The following SACS variants were observed in gnomAD, a reference collection of about 807,000 sequenced individuals.
SACS encodes the protein sacsin.
SACS carries 197 observed loss-of-function variants against 348.0 expected under a neutral mutation model. The ratio of observed to expected loss-of-function variants is 0.57; its 90% confidence interval spans 0.50 to 0.64. SACS has a LOEUF of 0.64. Among genes scored for constraint, SACS ranks in the 30% least tolerant of loss-of-function variants. The pLI, the probability that SACS is intolerant of heterozygous loss-of-function variation, is 0.00. For missense variants in SACS, 4,999 were observed against 5,360.8 expected, an observed-to-expected ratio of 0.93 and a Z score of 2.11; for synonymous variants, 1,985 against 1,910.6, an observed-to-expected ratio of 1.04 and a Z score of -1.02.
Position 23,336,275 on chromosome 13 carries a change from C to T in SACS, c.7601G>A (p.Ser2534Asn), listed in dbSNP as rs750491874. 6.2e-6 allele frequency: 10 copies of T among 1,614,052 alleles called. No individual in the cohort carries two copies. Among genetic ancestry groups the T allele is most frequent in the African/African-American group, 1.3e-5 (1 of 75,032 alleles). The change falls in exon 10 of 10, where the codon AGC (serine) becomes AAC (asparagine). Residue 2534 changes from serine (S) to asparagine (N), a missense_variant. Coordinates refer to ENST00000382292, the MANE Select transcript of SACS (RefSeq NM_014363.6). ...TTCAGAAGGATATGCATTAAGGATG[C>T]TCTTAATTCTGCTGGTCAATTTTTC... ...QKEKLTSRIK[S>N]ILNAYPSEKE...
At chr13:23,392,225 T>A (rs1872554373) in intron 2 of SACS, among the ~76,000 whole-genome samples, 2 of 152,206 alleles carry the variant, frequency 1.3e-5, no homozygotes, top group African/African-American at 2.4e-5. Flanking sequence ...CCATCTTGCA[T>A]TTCCTATGTA....
Position 23,332,544 on chromosome 13 carries a change from C to G in SACS, c.11332G>C (p.Glu3778Gln), listed in dbSNP as rs1290885413. ...TRAKVLRSIYEFLSAEKREFR... is the reference protein window; with the variant it reads ...TRAKVLRSIYQFLSAEKREFR... ...TCCCTTTTTTCTGCACTGAGGAATT[C>G]ATATATGCTCCTTAAGACTTTTGCT... is the stretch of plus-strand genomic sequence containing the variant. Residue 3778 changes from glutamate to glutamine, a missense_variant, in exon 10 of 10, where the codon GAA (glutamate) becomes CAA (glutamine). Coordinates refer to ENST00000382292, the MANE Select transcript of SACS (RefSeq NM_014363.6). The G allele has an allele frequency of 6.2e-7, 1 of 1,613,954 alleles. No individual in the cohort carries two copies. The highest frequency in any genetic ancestry group is 1.7e-5 in the Admixed American group (1 of 60,008).
chr13:23,329,383 A>C lies in SACS; in HGVS notation c.*753T>G, dbSNP rs1883324708. The C allele has an allele frequency of 1.3e-6, 1 of 743,652 alleles. No homozygotes were observed. The highest frequency in any genetic ancestry group is 1.5e-5 in the South Asian group (1 of 66,842). The allele number at this position is 743,652 out of a possible 1,614,324, so 46.1% of individuals were successfully genotyped here. ...AAGCAAGTGTTCTAACAGTTAATAA[A>C]TGTTGTCTTGGCAAGCAGTTTCCAG... On this transcript the variant is annotated 3_prime_UTR_variant, in exon 10 of 10. Transcript: ENST00000382292.
intron 2 of SACS, among the ~76,000 whole-genome samples, chr13:23,376,444 A>G (rs1032505176): frequency 4.0e-4 from 61 of 152,182 alleles, no homozygotes; most frequent in African/African-American, 1.4e-3. Flanking sequence ...TGAACAAGTA[A>G]ACTTGTGTGC....
intron 2 of SACS, among the ~76,000 whole-genome samples, chr13:23,408,202 C>T (rs950032861): frequency 6.6e-6 from 1 of 152,018 alleles, no homozygotes; most frequent in African/African-American, 2.4e-5. Context: ...GATTCCTAGA[C>T]ATTTCCACTC....
In SACS at chr13:23,336,043, C is replaced by T. The variant is rs1237743096; in HGVS notation, c.7833G>A (p.Thr2611=). The change falls in exon 10 of 10, where the codon ACG becomes ACA. Residue 2611 remains threonine (T), a synonymous_variant. Transcript: ENST00000382292. ...CAGTTTTATAAGGATTTCCCTCTTT[C>T]GTGCCTTTTCCAAGATTCTGAATTC... ...VRGIQNLGKG[T]KEGNPYKTGQ... 2.1e-5 allele frequency: 34 copies of T among 1,612,124 alleles called. No homozygotes were observed. The highest frequency in any genetic ancestry group is 2.8e-5 in the Non-Finnish European group (33 of 1,178,484).
intron 2 of SACS, among the ~76,000 whole-genome samples, chr13:23,387,577 G>C (rs1292102963): frequency 6.6e-6 from 1 of 152,032 alleles, no homozygotes; most frequent in African/African-American, 2.4e-5. Context: ...AGATAAGCTG[G>C]TCCCCTGGTC....
chr13:23,375,093 G>A (rs1226133058), intron 3 of SACS, 26 bp downstream of exon 3: 1 of 1,483,038 alleles, frequency 6.7e-7, no homozygotes, highest in Non-Finnish European at 9.0e-7. Flanking sequence ...GCGGAGCCCA[G>A]CCCAGCGCCC....
At chr13:23,408,956 C>CGTCTCAAAAAAAATAAAAAAGACTCG in intron 2 of SACS, among the ~76,000 whole-genome samples, 1 of 145,804 alleles carries the variant, frequency 6.9e-6, no homozygotes, top group Non-Finnish European at 1.5e-5. Context: ...AGCAAGACTC[C>CGTCTCAAAAAAAATAAAAAAGACTCG]GTCTCAAAAA....
chr13:23,370,691 G>T (rs994597954), intron 4 of SACS, among the ~76,000 whole-genome samples: 1 of 152,130 alleles, frequency 6.6e-6, no homozygotes, highest in East Asian at 1.9e-4. Context: ...GGCTGGGAGC[G>T]GTGGCTCACG....
chr13:23,332,038 G>A lies in SACS; in HGVS notation c.11838C>T (p.Leu3946=), dbSNP rs764611013. 1.9e-6 allele frequency: 3 copies of A among 1,614,108 alleles called. No individual in the cohort carries two copies. The Admixed American group carries it at 5.0e-5, about 27-fold the overall frequency. The change falls in exon 10 of 10, where the codon CTC becomes CTT. Residue 3946 remains leucine, a synonymous_variant. Transcript: ENST00000382292. ...GGTCTTTCCCTAAGTAGCACTGGCT[G>A]AGATCAACTAACATTTGCACACCAA... ...GNIGVQMLVD[L]SQCYLGKDHG...
chr13:23,378,292 A>C (rs751718912), intron 2 of SACS, among the ~76,000 whole-genome samples: 1 of 152,180 alleles, frequency 6.6e-6, no homozygotes, highest in Non-Finnish European at 1.5e-5. Context: ...TCACGCTTAC[A>C]TAAGTCAGTG....
chr13:23,429,714 T>G (rs544590130), intron 1 of SACS, among the ~76,000 whole-genome samples: 125 of 152,194 alleles, frequency 8.2e-4, no homozygotes, highest in Non-Finnish European at 1.4e-3. Flanking sequence ...AGGAGGAAGC[T>G]GAGGCTGCAA....
chr13:23,384,269 C>T (rs1872182473), intron 2 of SACS, among the ~76,000 whole-genome samples: 1 of 152,242 alleles, frequency 6.6e-6, no homozygotes, highest in Non-Finnish European at 1.5e-5. Flanking sequence ...TTAACTTCCA[C>T]TCATCAGTGA....
Position 23,339,282 on chromosome 13 carries a change from C to CT in SACS, c.4593dup (p.Asp1532ArgfsTer9), listed in dbSNP as rs780197970. 2 of 1,604,776 alleles carry CT rather than the reference C, an allele frequency of 1.2e-6. No individual in the cohort carries two copies. Among genetic ancestry groups the CT allele is most frequent in the Non-Finnish European group, 1.7e-6 (2 of 1,176,278 alleles). On this transcript the variant is annotated frameshift_variant, in exon 10 of 10. Transcript: ENST00000382292. LOFTEE classifies it high-confidence loss of function. ...CTAGTTATGTTCACAAAATCTGAAT[C>CT]TGAGAATTGAGAATTGTTGAATGAC...
In SACS at chr13:23,331,098, A is replaced by G. The variant is rs760354375; in HGVS notation, c.12778T>C (p.Ser4260Pro). 9.3e-6 allele frequency: 15 copies of G among 1,613,970 alleles called. No homozygotes were observed. The South Asian group carries it at 1.2e-4, about 13-fold the overall frequency. The change falls in exon 10 of 10, where the codon TCT becomes CCT. Residue 4260 changes from serine to proline, a missense_variant. Around this residue, in one of 6 missense-constraint regions of SACS, gnomAD observed 831 missense variants for 941.8 expected, o/e 0.88. Transcript: ENST00000382292. ...AACTCAGTGGGGCTGGTTGGTGTAGAAGGAGCACTGTCCCTGCTTTGAGAG... is the reference window on the plus strand; with the variant it reads ...AACTCAGTGGGGCTGGTTGGTGTAGGAGGAGCACTGTCCCTGCTTTGAGAG... Reference protein sequence around the residue: ...ESSQSRDSAPSTPTSPTEFLT... With the variant: ...ESSQSRDSAPPTPTSPTEFLT...
rs574747100 is a variant in SACS at position 23,365,245 on chromosome 13, C to A, written c.378G>T (p.Ala126=). Residue 126 remains alanine (A), a synonymous_variant, in exon 6 of 10, where the codon GCG becomes GCT. Coordinates refer to ENST00000382292, the MANE Select transcript of SACS (RefSeq NM_014363.6). ...ELIQNAEDAG[A]TEVKFLYDET... ...CATCATATAAAAATTTAACTTCTGTCGCCCCAGCATCTTCTGCATTCTGAA... is the reference window on the plus strand; with the variant it reads ...CATCATATAAAAATTTAACTTCTGTAGCCCCAGCATCTTCTGCATTCTGAA... The A allele has an allele frequency of 5.0e-6, 8 of 1,610,770 alleles. No homozygotes were observed. The East Asian group carries it at 1.8e-4, about 36-fold the overall frequency.
chr13:23,358,821 G>C (rs1419666858), intron 6 of SACS, among the ~76,000 whole-genome samples: 1 of 151,852 alleles, frequency 6.6e-6, no homozygotes, highest in Non-Finnish European at 1.5e-5. Flanking sequence ...TCTTTTTTTG[G>C]TAAATGGAAA....
At chr13:23,358,519 A>AT (rs1441930376) in intron 6 of SACS, 38 bp from the exon 7 acceptor site, 1 of 1,610,884 alleles carries the variant, frequency 6.2e-7, no homozygotes, top group African/African-American at 1.3e-5. Flanking sequence ...TTCAAAAAAG[A>AT]TACCAGGGTG....
Sources: allele counts gnomAD v4.1 joint callset (sites outside exome capture counted in the v4.1 genomes callset), GRCh38; gene constraint gnomAD v4.1.1; regional missense constraint gnomAD v4.1.1; transcripts MANE v1.5; gene names NCBI Gene and HGNC (gene_info 2026-07-23, HGNC 2026-07-21).